Variants in KLHL2 observed in about 807,000 individuals in gnomAD.
The protein encoded by KLHL2 is kelch like family member 2.
KLHL2 carries 15 observed loss-of-function variants against 75.8 expected under a neutral mutation model. The observed-to-expected ratio is 0.20, with a 90% confidence interval of 0.13 to 0.30. The LOEUF (loss-of-function observed/expected upper bound fraction) is 0.30, where lower values mean the gene tolerates loss of function less well. KLHL2 is among the 10% of genes least tolerant of loss of function. The pLI, the probability that KLHL2 is intolerant of heterozygous loss-of-function variation, is 1.00. For synonymous variants in KLHL2, 214 were observed against 251.9 expected, an observed-to-expected ratio of 0.85 and a Z score of 1.42; for missense variants, 381 against 741.0, an observed-to-expected ratio of 0.51 and a Z score of 5.64.
intron 2 of KLHL2, among the ~76,000 whole-genome samples, chr4:165,225,369 C>T (rs1046978988): frequency 6.6e-6 from 1 of 152,200 alleles, no homozygotes; most frequent in Non-Finnish European, 1.5e-5. Context: ...AAACTTCATA[C>T]TGTCATGGCT....
rs970344205 is a variant in KLHL2 at position 165,321,058 on chromosome 4, G to A, written c.1754-974G>A. ...TGTTTATGACTTACTTTATGAAATG[G>A]GCCCTTCTATGATATGTGCACTGTA... On this transcript the variant is annotated intron_variant, in intron 14 of 14. Transcript: ENST00000226725. Among the ~76,000 whole-genome samples, 9 of 152,230 alleles carry A rather than the reference G, an allele frequency of 5.9e-5. No homozygotes were observed. In the East Asian group the frequency reaches 7.7e-4, roughly 13 times the overall value.
Position 165,311,324 on chromosome 4 carries a change from A to C in KLHL2, c.1238-140A>C, listed in dbSNP as rs1472308160. 5.3e-6 allele frequency: 3 copies of C among 563,454 alleles called. No individual in the cohort carries two copies. In the East Asian group the frequency reaches 8.9e-5, roughly 17 times the overall value. The allele number at this position is 563,454 out of a possible 1,614,324, so 34.9% of individuals were successfully genotyped here. ...GGAAAACAAGCTGTACCTGTTTTTC[A>C]TGTAATTGCTGTGTTTATGTTCCAC... On this transcript the variant is annotated intron_variant, in intron 10 of 14. Coordinates refer to ENST00000226725, the MANE Select transcript of KLHL2 (RefSeq NM_007246.4).
intron 2 of KLHL2, among the ~76,000 whole-genome samples, chr4:165,224,725 A>C (rs1432956606): frequency 6.6e-6 from 1 of 152,246 alleles, no homozygotes; most frequent in Non-Finnish European, 1.5e-5. Context: ...AGTGAACTTA[A>C]GTGAGTCTCC....
chr4:165,302,014 G>T (rs552256437), intron 8 of KLHL2, among the ~76,000 whole-genome samples: 1 of 152,164 alleles, frequency 6.6e-6, no homozygotes, highest in East Asian at 1.9e-4. Flanking sequence ...TTTGGAGTAG[G>T]ACTCCTATAG....
chr4:165,282,480 T>G (rs1289929530), intron 5 of KLHL2, among the ~76,000 whole-genome samples: 3 of 152,126 alleles, frequency 2.0e-5, no homozygotes, highest in Non-Finnish European at 4.4e-5. Flanking sequence ...GTGATTATCC[T>G]GTTCTGTTCT....
rs1354171613 is a variant in KLHL2, at chr4:165,263,188, G to A, written c.382-9G>A. ...CAAGTGCCTAAGAATATTGATGTGT[G>A]TGTTGCAGGTACTTCTCCCAGCAGC... On this transcript the variant is annotated splice_polypyrimidine_tract_variant and intron_variant, in intron 4 of 14. Transcript: ENST00000226725. 6.2e-7 allele frequency: 1 copy of A among 1,612,710 alleles called. No homozygotes were observed. The highest frequency in any genetic ancestry group is 1.3e-5 in the African/African-American group (1 of 74,888).
intron 10 of KLHL2, 23 bp from the exon 11 acceptor site, chr4:165,311,441 A>G: frequency 6.6e-7 from 1 of 1,514,370 alleles, no homozygotes; most frequent in Non-Finnish European, 9.1e-7. Flanking sequence ...GAAGGAAATG[A>G]AGACTATTGT....
chr4:165,287,064 TG>T (rs1438049106), intron 5 of KLHL2, among the ~76,000 whole-genome samples: 1 of 152,238 alleles, frequency 6.6e-6, no homozygotes, highest in African/African-American at 2.4e-5. Flanking sequence ...AGTAGTGTCA[TG>T]TATAAGTACT....
rs781178981 is a variant in KLHL2, at chr4:165,299,627, C to T, written c.892C>T (p.Arg298Trp). 6.2e-7 allele frequency: 1 copy of T among 1,612,056 alleles called. No individual in the cohort carries two copies. Among genetic ancestry groups the T allele is most frequent in the Admixed American group, 1.7e-5 (1 of 59,256 alleles). The change falls in exon 8 of 15, where the codon CGG (arginine) becomes TGG (tryptophan). Residue 298 changes from arginine to tryptophan, a missense_variant. Physicochemically the swap from Arg to Trp is moderately radical, Grantham distance 101 (BLOSUM62 -3). Around this residue, in one of 5 missense-constraint regions of KLHL2, gnomAD observed 111 missense variants for 150.1 expected, o/e 0.74. Coordinates refer to ENST00000226725, the MANE Select transcript of KLHL2 (RefSeq NM_007246.4). ...TATATTAATGAAGAGTGTCCGGACCCGGCTGAGGACACCCATGAACCTTCC... is the reference window on the plus strand; with the variant it reads ...TATATTAATGAAGAGTGTCCGGACCTGGCTGAGGACACCCATGAACCTTCC... ...QRILMKSVRT[R>W]LRTPMNLPKL...
intron 4 of KLHL2, among the ~76,000 whole-genome samples, chr4:165,258,134 A>C (rs926024663): frequency 2.3e-4 from 35 of 152,332 alleles, no homozygotes; most frequent in African/African-American, 7.0e-4. Context: ...AGATGTACCC[A>C]AGAGAGATAT....
chr4:165,294,904 A>G (rs1744798652), intron 6 of KLHL2, among the ~76,000 whole-genome samples: 1 of 152,182 alleles, frequency 6.6e-6, no homozygotes, highest in African/African-American at 2.4e-5. Context: ...GTTACCTAGG[A>G]TGGCGAAGTT....
At chr4:165,314,560 T>G (rs1746461366) in intron 13 of KLHL2, among the ~76,000 whole-genome samples, 1 of 152,172 alleles carries the variant, frequency 6.6e-6, no homozygotes, top group African/African-American at 2.4e-5. Flanking sequence ...TCAGGAAATT[T>G]AGTCTAGTTG....
At chr4:165,279,483 G>A (rs763336064) in intron 5 of KLHL2, 1 of 1,585,498 alleles carries the variant, frequency 6.3e-7, no homozygotes, top group East Asian at 2.2e-5. Flanking sequence ...TTAGGGTCCT[G>A]TTCCACCCAT....
In KLHL2 at chr4:165,317,167, T is replaced by C. The variant is rs188300214; in HGVS notation, c.1610-659T>C. ...AATATTTTTACCTTCTACTAACATA[T>C]ATTTTCTTCCTTAAGATTCCCTAAG... On this transcript the variant is annotated intron_variant, in intron 13 of 14. Transcript: ENST00000226725. Among the ~76,000 whole-genome samples the C allele has an allele frequency of 9.4e-3, 1,431 of 152,026 alleles. 10 individuals are homozygous for C. Among genetic ancestry groups the C allele is most frequent in the South Asian group, 0.021 (102 of 4,814 alleles).
chr4:165,271,535 G>A (rs575903865), intron 5 of KLHL2, among the ~76,000 whole-genome samples: 1 of 152,272 alleles, frequency 6.6e-6, no homozygotes, highest in Non-Finnish European at 1.5e-5. Flanking sequence ...ATTTATCAAA[G>A]CTAGGCGCCT....
chr4:165,264,539 A>C (rs1014022724), intron 5 of KLHL2, among the ~76,000 whole-genome samples: 5 of 150,240 alleles, frequency 3.3e-5, no homozygotes, highest in Non-Finnish European at 7.4e-5. Flanking sequence ...AAGTTGCTGC[A>C]AAAGACATTA....
At chr4:165,264,605 T>TATATACAC (rs757273597) in intron 5 of KLHL2, among the ~76,000 whole-genome samples, 31 of 124,128 alleles carry the variant, frequency 2.5e-4, no homozygotes, top group African/African-American at 9.6e-4. Context: ...TATATATATA[T>TATATACAC]ACACACACAC....
At chr4:165,266,083 A>C (rs1333224377) in intron 5 of KLHL2, among the ~76,000 whole-genome samples, 3 of 152,150 alleles carry the variant, frequency 2.0e-5, no homozygotes, top group Non-Finnish European at 4.4e-5. Flanking sequence ...GATCATGAGC[A>C]TTTTTTATAT....
At chr4:165,316,956 G>A (rs1412648737) in intron 13 of KLHL2, among the ~76,000 whole-genome samples, 5 of 152,058 alleles carry the variant, frequency 3.3e-5, no homozygotes, top group Non-Finnish European at 7.4e-5. Flanking sequence ...CCAGAGTAGA[G>A]ATCAAAATTT....
Sources: gnomAD v4.1 joint callset for allele counts (sites outside exome capture counted in the v4.1 genomes callset) on GRCh38, gnomAD v4.1.1 for gene constraint, gnomAD v4.1.1 regional missense constraint, MANE v1.5 for transcripts, NCBI Gene and HGNC (gene_info 2026-07-23, HGNC 2026-07-21) for gene names.